The following ALDH5A1 variants were observed in gnomAD, a reference collection of about 807,000 sequenced individuals.
ALDH5A1 encodes succinate-semialdehyde dehydrogenase, mitochondrial.
ALDH5A1 carries 33 observed loss-of-function variants against 54.7 expected under a neutral mutation model. The ratio of observed to expected loss-of-function variants is 0.60; its 90% CI spans 0.46 to 0.81. The LOEUF is 0.81. Among genes scored for constraint, ALDH5A1 ranks in the 30% least tolerant of loss-of-function variants. The pLI, the probability that ALDH5A1 is intolerant of heterozygous loss-of-function variation, is 0.00. For synonymous variants in ALDH5A1, 294 were observed against 292.7 expected, an observed-to-expected ratio of 1.00 and a Z score of -0.05; for missense variants, 657 against 711.0, an observed-to-expected ratio of 0.92 and a Z score of 0.86.
In ALDH5A1 at chr6:24,494,991, C is replaced by G. The variant is rs779336000; in HGVS notation, c.-6C>G. The G allele has an allele frequency of 2.3e-6, 3 of 1,314,534 alleles. 1 individual carries two copies. In the Admixed American group the frequency reaches 9.3e-5, roughly 41 times the overall value. 81.4% of individuals were successfully genotyped at this position (1,314,534 alleles called of 1,614,324 possible). A position where few individuals can be genotyped will look rare whatever the true frequency, so the allele number is the denominator to read the frequency against. ...CCTGTTTCCTGTCGCCGTCGTTGCC[C>G]GGGCCATGGCGACCTGCATTTGGCT... On this transcript the variant is annotated 5_prime_UTR_variant, in exon 1 of 10. Coordinates refer to ENST00000357578, the MANE Select transcript of ALDH5A1 (RefSeq NM_001080.3).
At chr6:24,530,498 C>T (rs964421302) in intron 8 of ALDH5A1, among the ~76,000 whole-genome samples, 10 of 152,134 alleles carry the variant, frequency 6.6e-5, no homozygotes, top group African/African-American at 1.9e-4. Flanking sequence ...CCCCTTGCAC[C>T]GTCGGCAGCC....
chr6:24,510,909 TA>T (rs1481065549), intron 4 of ALDH5A1, among the ~76,000 whole-genome samples: 1 of 152,220 alleles, frequency 6.6e-6, no homozygotes, highest in African/African-American at 2.4e-5. Context: ...ATTTTTGTTT[TA>T]TAGGTCCTGT....
At chr6:24,523,097 C>G (rs575559961) in intron 7 of ALDH5A1, among the ~76,000 whole-genome samples, 172 bp downstream of exon 7, 3 of 152,130 alleles carry the variant, frequency 2.0e-5, no homozygotes, top group African/African-American at 7.2e-5. Context: ...TGTAGAATGA[C>G]TGTAATTAGC....
chr6:24,535,657 C>CA lies in ALDH5A1; in HGVS notation c.*1953dup, dbSNP rs1296678811. 3.3e-5 allele frequency: 5 copies of CA among 152,062 alleles called. No individual in the cohort carries two copies. In the East Asian group the frequency reaches 7.8e-4, roughly 24 times the overall value. The allele number at this position is 152,062 out of a possible 1,614,324, so 9.4% of individuals were successfully genotyped here. On this transcript the variant is annotated 3_prime_UTR_variant, in exon 10 of 10. Coordinates refer to ENST00000357578, the MANE Select transcript of ALDH5A1 (RefSeq NM_001080.3). The stretch of plus-strand genomic sequence containing the variant: ...TGAAACCCCGTCTCTACTAAAAATA[C>CA]AAAAAAAATTAGTCGGATGTGGTGG...
rs763780137 is a variant in ALDH5A1, at chr6:24,503,294, T to A, written c.470T>A (p.Ile157Asn). The change falls in exon 3 of 10, where the codon ATT becomes AAT. Residue 157 changes from isoleucine to asparagine, a missense_variant. Ile to Asn is a moderately radical substitution (Grantham distance 149). Coordinates refer to ENST00000357578, the MANE Select transcript of ALDH5A1 (RefSeq NM_001080.3). ...GKPLKEAHGEILYSAFFLEWF... is the reference protein window; with the variant it reads ...GKPLKEAHGENLYSAFFLEWF... ...CCACTGAAGGAGGCACATGGAGAAA[T>A]TCTCTATTCCGCCTTTTTCCTAGAG... 2 of 1,614,126 alleles carry A rather than the reference T, an allele frequency of 1.2e-6. No individual in the cohort carries two copies. Among genetic ancestry groups the A allele is most frequent in the South Asian group, 2.2e-5 (2 of 91,076 alleles).
chr6:24,522,322 A>G lies in ALDH5A1; in HGVS notation c.1015-445A>G, dbSNP rs142539958. Among the ~76,000 whole-genome samples the G allele has an allele frequency of 1.1e-3, 168 of 152,214 alleles. 1 individual carries two copies. Among genetic ancestry groups the G allele is most frequent in the African/African-American group, 3.8e-3 (158 of 41,562 alleles). On this transcript the variant is annotated intron_variant, in intron 6 of 9. Transcript: ENST00000357578. ...CCCTGTGTCAGCAAAACAAAAGACT[A>G]TAAGTTGGTGTTGGACCACATTCCT... is the stretch of plus-strand genomic sequence containing the variant.
At chr6:24,502,219 A>AC (rs1284393620) in intron 1 of ALDH5A1, among the ~76,000 whole-genome samples, 1 of 152,132 alleles carries the variant, frequency 6.6e-6, no homozygotes, top group East Asian at 1.9e-4. Flanking sequence ...TTCCTCTGCC[A>AC]CTTTGTTCTT....
At chr6:24,515,900 G>T (rs993618935) in intron 5 of ALDH5A1, among the ~76,000 whole-genome samples, 6 of 152,076 alleles carry the variant, frequency 3.9e-5, no homozygotes, top group African/African-American at 1.4e-4. Flanking sequence ...GTTCTCCACT[G>T]TATTTTTTTC....
intron 8 of ALDH5A1, among the ~76,000 whole-genome samples, chr6:24,529,482 A>G (rs559592318): frequency 2.0e-5 from 3 of 152,018 alleles, no homozygotes; most frequent in East Asian, 3.9e-4. Flanking sequence ...ATCTACTTTT[A>G]TCCAGGGTTA....
chr6:24,503,176 T>C (rs893995644), intron 2 of ALDH5A1, 87 bp from the exon 3 acceptor site: 6 of 1,506,780 alleles, frequency 4.0e-6, no homozygotes, highest in Admixed American at 3.7e-5. Context: ...TTTTCTACTC[T>C]TGTTGCATCT....
intron 1 of ALDH5A1, among the ~76,000 whole-genome samples, chr6:24,496,893 C>A (rs1764719373): frequency 6.6e-6 from 1 of 152,130 alleles, no homozygotes; most frequent in East Asian, 1.9e-4. Flanking sequence ...GGGGTTAGGA[C>A]TTCGACATGT....
Position 24,536,487 on chromosome 6 carries a change from A to T in ALDH5A1, c.*2775A>T, listed in dbSNP as rs1561882775. On this transcript the variant is annotated 3_prime_UTR_variant, in exon 10 of 10. Transcript: ENST00000357578. ...CAGTATAGCCTGCAAAGCCTAAAAG[A>T]TTTACTACTTGTCTCCTTAAAGAAA... 1 of 152,162 alleles carries T rather than the reference A, an allele frequency of 6.6e-6. No homozygotes were observed. The allele number at this position is 152,162 out of a possible 1,614,324, so 9.4% of individuals were successfully genotyped here.
At chr6:24,498,445 C>T (rs1581803846) in intron 1 of ALDH5A1, among the ~76,000 whole-genome samples, 2 of 152,298 alleles carry the variant, frequency 1.3e-5, no homozygotes, top group African/African-American at 4.8e-5. Context: ...TCAAGGCTGC[C>T]ATACAATGGT....
rs1760008276 is a variant in ALDH5A1, at chr6:24,534,663, C to T, written c.*951C>T. 6.6e-6 allele frequency: 1 copy of T among 152,334 alleles called. No homozygotes were observed. Among genetic ancestry groups the T allele is most frequent in the Non-Finnish European group, 1.5e-5 (1 of 68,128 alleles). 9.4% of individuals were successfully genotyped at this position (152,334 alleles called of 1,614,324 possible). A position where few individuals can be genotyped will look rare whatever the true frequency, so the allele number is the denominator to read the frequency against. ...TGAAAATTCTAAGGACATACAAGAGCCATTGTTACGAGCAGCACCGCCCAG... is the reference window on the plus strand; with the variant it reads ...TGAAAATTCTAAGGACATACAAGAGTCATTGTTACGAGCAGCACCGCCCAG... On this transcript the variant is annotated 3_prime_UTR_variant, in exon 10 of 10. Transcript: ENST00000357578.
chr6:24,514,767 T>TTTTG (rs201861820), intron 4 of ALDH5A1, among the ~76,000 whole-genome samples: 3 of 151,648 alleles, frequency 2.0e-5, no homozygotes, highest in Non-Finnish European at 4.4e-5. Context: ...ACTCTAAGAA[T>TTTTG]TTTGTTTGTT....
In ALDH5A1 at chr6:24,509,940, G is replaced by A. The variant is rs994260366; in HGVS notation, c.726+4955G>A. ...TCAGACTTTTTGATGTAAGCATTTAGGGCCATGAACTTGGCTCTTGGCACC... is the reference window on the plus strand; with the variant it reads ...TCAGACTTTTTGATGTAAGCATTTAAGGCCATGAACTTGGCTCTTGGCACC... On this transcript the variant is annotated intron_variant, in intron 4 of 9. Transcript: ENST00000357578. The surrounding 1 kb of genome is among the most constrained non-coding windows in gnomAD (Gnocchi z 4.7). Among the ~76,000 whole-genome samples the A allele has an allele frequency of 2.0e-5, 3 of 152,014 alleles. No individual in the cohort carries two copies. Among genetic ancestry groups the A allele is most frequent in the Non-Finnish European group, 2.9e-5 (2 of 67,988 alleles).
At chr6:24,501,893 ATATG>A (rs1474477267) in intron 1 of ALDH5A1, among the ~76,000 whole-genome samples, 45 of 125,046 alleles carry the variant, frequency 3.6e-4, no homozygotes, top group African/African-American at 8.7e-4. Flanking sequence ...ATATATATAT[ATATG>A]TGTGTGTGTG....
chr6:24,520,519 C>T lies in ALDH5A1; in HGVS notation c.989C>T (p.Ala330Val). ...GACCAGGCTGTAGCAGGGGCCATGGCATCTAAATTTAGGAACACTGGACAG... is the reference window on the plus strand; with the variant it reads ...GACCAGGCTGTAGCAGGGGCCATGGTATCTAAATTTAGGAACACTGGACAG... ...NVDQAVAGAM[A>V]SKFRNTGQTC... Residue 330 changes from alanine to valine, a missense_variant, in exon 6 of 10, where the codon GCA becomes GTA. Coordinates refer to ENST00000357578, the MANE Select transcript of ALDH5A1 (RefSeq NM_001080.3). 1 of 1,614,060 alleles carries T rather than the reference C, an allele frequency of 6.2e-7. No homozygotes were observed. Among genetic ancestry groups the T allele is most frequent in the Non-Finnish European group, 8.5e-7 (1 of 1,180,008 alleles).
chr6:24,524,385 A>G (rs1442421206), intron 7 of ALDH5A1, among the ~76,000 whole-genome samples: 1 of 152,190 alleles, frequency 6.6e-6, no homozygotes, highest in Non-Finnish European at 1.5e-5. Flanking sequence ...GGAGACACAC[A>G]GTGGAGGCAC....
Sources: allele counts gnomAD v4.1 joint callset (sites outside exome capture counted in the v4.1 genomes callset), GRCh38; gene constraint gnomAD v4.1.1; non-coding constraint Gnocchi (gnomAD v3.1); transcripts MANE v1.5; gene names NCBI Gene and HGNC (gene_info 2026-07-23, HGNC 2026-07-21).